SH3KBP1: variants seen among roughly 807,000 people sequenced by gnomAD.
SH3KBP1 encodes the protein SH3 domain-containing kinase-binding protein 1.
Under a neutral mutation model 50.1 loss-of-function variants are expected in SH3KBP1, and 8 were observed. The ratio of observed to expected loss-of-function variants is 0.16; its 90% CI spans 0.09 to 0.29. The LOEUF (loss-of-function observed/expected upper bound fraction) is 0.29, where lower values mean the gene tolerates loss of function less well. Ranked by LOEUF, SH3KBP1 falls within the 10% of genes least tolerant of loss-of-function variation. The pLI is 1.00. For synonymous variants in SH3KBP1, 227 were observed against 218.6 expected, an observed-to-expected ratio of 1.04 and a Z score of -0.34; for missense variants, 377 against 535.2, an observed-to-expected ratio of 0.70 and a Z score of 2.92.
At chrX:19,760,023 C>CCTCTCTCTCTCTCTCTCCCT (rs1339681985) in intron 2 of SH3KBP1, among the ~76,000 whole-genome samples, 16 of 83,576 alleles carry the variant, frequency 1.9e-4, no homozygotes, top group Non-Finnish European at 3.5e-4. Context: ...CTCTCTCTCT[C>CCTCTCTCTCTCTCTCTCCCT]CTCTCTCTCT....
intron 1 of SH3KBP1, among the ~76,000 whole-genome samples, chrX:19,839,725 C>A (rs2068169943): frequency 8.9e-6 from 1 of 112,380 alleles, no homozygotes; most frequent in African/African-American, 3.2e-5. Context: ...TCTTCTAGAC[C>A]CAAGGCCTCT....
rs59323105 is a variant in SH3KBP1, at chrX:19,565,051, ATTTTTTTTT to A, written c.1384+4043_1384+4051del. Among the ~76,000 whole-genome samples, 532 of 66,512 alleles carry A rather than the reference ATTTTTTTTT, an allele frequency of 8.0e-3. 9 individuals are homozygous for A. The highest frequency in any genetic ancestry group is 0.038 in the African/African-American group (505 of 13,300). 57.8% of individuals were successfully genotyped at this position (66,512 alleles called of 115,157 possible). A position where few individuals can be genotyped will look rare whatever the true frequency, so the allele number is the denominator to read the frequency against. On this transcript the variant is annotated intron_variant, in intron 13 of 17. Coordinates refer to ENST00000397821, the MANE Select transcript of SH3KBP1 (RefSeq NM_031892.3). ...TCAGAGAGACCTGGCTTCAACTCCA[ATTTTTTTTT>A]TTTTTTTTTTTTTTTTTTGAGGCGA...
rs1287524066 is a variant in SH3KBP1, at chrX:19,660,880, C to G, written c.727-15405G>C. Among the ~76,000 whole-genome samples, 8 of 112,420 alleles carry G rather than the reference C, an allele frequency of 7.1e-5. No homozygotes were observed. In the Admixed American group the frequency reaches 7.5e-4, roughly 11 times the overall value. ...TCCTAAATTGCCAGGCCAGATACTCCTCCCGATGCAGTTAAGAAACAGGGG... is the reference window on the plus strand; with the variant it reads ...TCCTAAATTGCCAGGCCAGATACTCGTCCCGATGCAGTTAAGAAACAGGGG... On this transcript the variant is annotated intron_variant, in intron 6 of 17. Coordinates refer to ENST00000397821, the MANE Select transcript of SH3KBP1 (RefSeq NM_031892.3).
intron 5 of SH3KBP1, chrX:19,695,006 T>C (rs2063382659): frequency 1.7e-6 from 2 of 1,198,148 alleles, no homozygotes; most frequent in Non-Finnish European, 2.2e-6. Context: ...TTTTGCTCCG[T>C]GAGCTGGAAA....
chrX:19,783,580 C>A (rs2066251573), intron 2 of SH3KBP1, among the ~76,000 whole-genome samples: 1 of 111,268 alleles, frequency 9.0e-6, no homozygotes, highest in African/African-American at 3.3e-5. Context: ...CTCTTATAAC[C>A]ATAATTCTAC....
intron 12 of SH3KBP1, among the ~76,000 whole-genome samples, chrX:19,576,525 G>A (rs1031743637): frequency 3.6e-5 from 4 of 111,310 alleles, no homozygotes; most frequent in African/African-American, 9.8e-5. Context: ...CTGTAGCCTC[G>A]AATTCCTGGA....
At chrX:19,696,491 G>A in intron 4 of SH3KBP1, among the ~76,000 whole-genome samples, 1 of 111,289 alleles carries the variant, frequency 9.0e-6, no homozygotes, top group Non-Finnish European at 1.9e-5. Context: ...ACCGAAAGGG[G>A]GTAGGTAGGT....
At chrX:19,651,933 C>T (rs1300435933) in intron 6 of SH3KBP1, among the ~76,000 whole-genome samples, 1 of 111,818 alleles carries the variant, frequency 8.9e-6, no homozygotes, top group African/African-American at 3.3e-5. Flanking sequence ...AAATAGTGCC[C>T]ACCTCGAGAG....
intron 2 of SH3KBP1, among the ~76,000 whole-genome samples, chrX:19,773,494 AACAC>A (rs749894154): frequency 0.16 from 15,451 of 94,302 alleles, 974 homozygotes; most frequent in African/African-American, 0.19. Context: ...CACACACACA[AACAC>A]ACACACACAC....
chrX:19,804,638 C>CT (rs755631529), intron 2 of SH3KBP1, among the ~76,000 whole-genome samples: 2,633 of 104,309 alleles, frequency 0.025, 91 homozygotes, highest in African/African-American at 0.085. Context: ...ATTTCTATAG[C>CT]TTTTTTTTTT....
intron 3 of SH3KBP1, among the ~76,000 whole-genome samples, chrX:19,710,636 CTGCGCTTA>C (rs1292186750): frequency 1.8e-5 from 2 of 111,182 alleles, no homozygotes; most frequent in African/African-American, 6.6e-5. Context: ...TAATCTCTTC[CTGCGCTTA>C]ATTTATAAAT....
At chrX:19,554,015 A>T (rs372672692) in intron 13 of SH3KBP1, among the ~76,000 whole-genome samples, 9 of 59,127 alleles carry the variant, frequency 1.5e-4, no homozygotes, top group African/African-American at 8.1e-4. Flanking sequence ...ATAATATATA[A>T]TATATATTAA....
intron 2 of SH3KBP1, among the ~76,000 whole-genome samples, chrX:19,769,745 CTA>C (rs1478666686): frequency 9.0e-6 from 1 of 110,576 alleles, no homozygotes; most frequent in Non-Finnish European, 1.9e-5. Context: ...GATTTTCTCT[CTA>C]GTCAATATGA....
In SH3KBP1 at chrX:19,887,293, C is replaced by G; in HGVS notation, c.4+14G>C. On this transcript the variant is annotated intron_variant, in intron 1 of 17. Coordinates refer to ENST00000397821, the MANE Select transcript of SH3KBP1 (RefSeq NM_031892.3). ...GCTGAAGTGGACGCCCGGACGCGGG[C>G]GGCCCCCACTCACCCATTGGCGTCG... 1 of 973,456 alleles carries G rather than the reference C, an allele frequency of 1.0e-6. No homozygotes were observed. Among genetic ancestry groups the G allele is most frequent in the Non-Finnish European group, 1.3e-6 (1 of 774,519 alleles). The allele number at this position is 973,456 out of a possible 1,213,427, so 80.2% of individuals were successfully genotyped here.
chrX:19,867,079 A>G (rs1161279208), intron 1 of SH3KBP1, among the ~76,000 whole-genome samples: 1 of 111,200 alleles, frequency 9.0e-6, no homozygotes, highest in East Asian at 2.8e-4. Context: ...TTTCAACAAA[A>G]TTTTTCTTTC....
intron 3 of SH3KBP1, among the ~76,000 whole-genome samples, chrX:19,720,969 G>A (rs1001936211): frequency 1.2e-4 from 13 of 111,281 alleles, no homozygotes; most frequent in African/African-American, 3.6e-4. Flanking sequence ...CACTGTGCTC[G>A]GAGATTTAGA....
intron 3 of SH3KBP1, among the ~76,000 whole-genome samples, chrX:19,745,164 T>C (rs1185306415): frequency 8.9e-6 from 1 of 112,753 alleles, no homozygotes; most frequent in Admixed American, 9.3e-5. Context: ...GACTGTAGTT[T>C]TACAGCAAAG....
intron 6 of SH3KBP1, among the ~76,000 whole-genome samples, chrX:19,680,710 T>C (rs1018502364): frequency 7.1e-5 from 8 of 112,386 alleles, no homozygotes; most frequent in African/African-American, 2.3e-4. Flanking sequence ...AGAATCACAC[T>C]TATCGGCTTT....
intron 12 of SH3KBP1, among the ~76,000 whole-genome samples, chrX:19,584,106 T>C (rs1471822231): frequency 1.1e-5 from 1 of 93,426 alleles, no homozygotes; most frequent in East Asian, 3.1e-4. Context: ...AAATATACAA[T>C]GTCCAACTGA....
Sources: allele counts gnomAD v4.1 joint callset (sites outside exome capture counted in the v4.1 genomes callset), GRCh38; gene constraint gnomAD v4.1.1; transcripts MANE v1.5; gene names NCBI Gene and HGNC (gene_info 2026-07-23, HGNC 2026-07-21).